SOX17: variants seen among roughly 807,000 people sequenced by gnomAD.
The protein encoded by SOX17 is transcription factor SOX-17.
Under a neutral mutation model 16.0 loss-of-function variants are expected in SOX17, and 4 were observed. That is an observed-to-expected ratio of 0.25 (90% CI 0.12 to 0.57). SOX17 has a LOEUF of 0.57. Among genes scored for constraint, SOX17 ranks in the 20% least tolerant of loss-of-function variants. The pLI, the probability that SOX17 is intolerant of heterozygous loss-of-function variation, is 0.92. For missense variants in SOX17, 633 were observed against 609.7 expected (o/e 1.04, Z -0.40); for synonymous variants, 357 against 284.6 (o/e 1.25, Z -2.56).
intron 1 of SOX17, 97 bp from the exon 2 acceptor site, chr8:54,458,961 A>AGG: frequency 1.8e-6 from 2 of 1,137,430 alleles, no homozygotes; most frequent in Non-Finnish European, 2.4e-6. Context: ...TCAAAGTCTG[A>AGG]GGGGGGAGGT....
At chr8:54,458,553 GGT>G in intron 1 of SOX17, 108 bp downstream of exon 1, 1 of 1,331,440 alleles carries the variant, frequency 7.5e-7, no homozygotes, top group Non-Finnish European at 1.0e-6. Flanking sequence ...CAAAACCAGG[GGT>G]GTGTAGCGGC....
Position 54,459,050 on chromosome 8 carries a change from C to T in SOX17, c.308-8C>T, listed in dbSNP as rs928890493. On this transcript the variant is annotated splice_region_variant and splice_polypyrimidine_tract_variant and intron_variant, in intron 1 of 1. Transcript: ENST00000297316. ...TGCGCCCCTCTCCCCCTTCCTTCCA[C>T]TGTGCAGGCAAGTCGTGGAAGGCGC... 2.5e-6 allele frequency: 4 copies of T among 1,596,750 alleles called. No homozygotes were observed. Among genetic ancestry groups the T allele is most frequent in the Non-Finnish European group, 3.4e-6 (4 of 1,172,554 alleles).
Position 54,459,461 on chromosome 8 carries a change from C to T in SOX17, c.711C>T (p.Phe237=), listed in dbSNP as rs986542059. 47 of 1,522,846 alleles carry T rather than the reference C, an allele frequency of 3.1e-5. No individual in the cohort carries two copies. Among genetic ancestry groups the T allele is most frequent in the African/African-American group, 5.7e-5 (4 of 70,596 alleles). The allele number at this position is 1,522,846 out of a possible 1,614,324, so 94.3% of individuals were successfully genotyped here. Residue 237 remains phenylalanine, a synonymous_variant, in exon 2 of 2, where the codon TTC becomes TTT. Transcript: ENST00000297316. The part of the protein sequence containing the change: ...LDGVDPDPAF[F]AAPMPGDCPA... ...GCGTGGACCCCGACCCGGCTTTCTT[C>T]GCCGCCCCGATGCCCGGGGACTGCC...
At chr8:54,458,501 C>G in intron 1 of SOX17, 56 bp downstream of exon 1, 5 of 1,596,062 alleles carry the variant, frequency 3.1e-6, no homozygotes, top group Non-Finnish European at 4.3e-6. Context: ...ATCGCTAGGC[C>G]GATTTCTTAA....
Position 54,459,770 on chromosome 8 carries a change from G to C in SOX17, c.1020G>C (p.Leu340=), listed in dbSNP as rs1272321292. The part of the protein sequence containing the change: ...PGQPSPPPEA[L]PCRDGTDPSQ... ...AGCCGTCGCCCCCTCCGGAGGCACT[G>C]CCCTGCCGGGACGGCACGGACCCCA... The change falls in exon 2 of 2, where the codon CTG becomes CTC. Residue 340 remains leucine (L), a synonymous_variant. Coordinates refer to ENST00000297316, the MANE Select transcript of SOX17 (RefSeq NM_022454.4). 2 of 1,592,884 alleles carry C rather than the reference G, an allele frequency of 1.3e-6. No individual in the cohort carries two copies. Among genetic ancestry groups the C allele is most frequent in the African/African-American group, 2.7e-5 (2 of 74,562 alleles).
At chr8:54,458,480 C>CG (rs2129277887) in intron 1 of SOX17, 35 bp downstream of exon 1, 1 of 1,611,014 alleles carries the variant, frequency 6.2e-7, no homozygotes, top group Admixed American at 1.7e-5. Context: ...CGGCCGGGCG[C>CG]GCTGGCGCGA....
chr8:54,460,211 C>T lies in SOX17; in HGVS notation c.*216C>T, dbSNP rs1586330943. On this transcript the variant is annotated 3_prime_UTR_variant, in exon 2 of 2. Transcript: ENST00000297316. ...TTAAAATTTGTTCAGAGATTTGTTT[C>T]CCATAGTTGGATTGTCAAAACCCTA... 17 of 611,274 alleles carry T rather than the reference C, an allele frequency of 2.8e-5. No individual in the cohort carries two copies. Among genetic ancestry groups the T allele is most frequent in the East Asian group, 2.2e-4 (8 of 36,240 alleles). 37.9% of individuals were successfully genotyped at this position (611,274 alleles called of 1,614,324 possible). A position where few individuals can be genotyped will look rare whatever the true frequency, so the allele number is the denominator to read the frequency against.
Position 54,458,082 on chromosome 8 carries a change from G to C in SOX17, c.-57G>C, listed in dbSNP as rs1804664425. The C allele has an allele frequency of 1.4e-6, 2 of 1,428,070 alleles. No individual in the cohort carries two copies. Among genetic ancestry groups the C allele is most frequent in the Non-Finnish European group, 1.8e-6 (2 of 1,098,248 alleles). 88.5% of individuals were successfully genotyped at this position (1,428,070 alleles called of 1,614,324 possible). A position where few individuals can be genotyped will look rare whatever the true frequency, so the allele number is the denominator to read the frequency against. On this transcript the variant is annotated 5_prime_UTR_variant, in exon 1 of 2. Transcript: ENST00000297316. ...CACTCCCCACCCCCTCCCCCGGGTC[G>C]GGGGAGGCGGCGCGTCCGGCGGAGG...
chr8:54,458,942 T>G, intron 1 of SOX17, 116 bp from the exon 2 acceptor site: 90 of 867,862 alleles, frequency 1.0e-4, no homozygotes, highest in Middle Eastern at 3.7e-4. Flanking sequence ...TTCACCCCGG[T>G]TGCGCAATTC....
intron 1 of SOX17, 86 bp downstream of exon 1, chr8:54,458,531 G>GTTT: frequency 6.6e-7 from 1 of 1,513,872 alleles, no homozygotes; most frequent in Non-Finnish European, 9.0e-7. Context: ...TGTTCTTTGC[G>GTTT]AGCCTGACGC....
chr8:54,459,985 C>T lies in SOX17; in HGVS notation c.1235C>T (p.Pro412Leu), dbSNP rs1804716559. The change falls in exon 2 of 2, where the codon CCT (proline) becomes CTT (leucine). Residue 412 changes from proline to leucine, a missense_variant. By Grantham distance (98) the Pro-to-Leu change is moderately conservative. This residue lies in a region of SOX17 where 479 missense variants were observed against 397.2 expected (regional missense o/e 1.21). Coordinates refer to ENST00000297316, the MANE Select transcript of SOX17 (RefSeq NM_022454.4). ...ASSAVYYCNY[P>L]DV is the part of the protein sequence containing the mutation. ...TCCGCGGTATATTACTGCAACTATCCTGACGTGTGACAGGTCCCTGATCCG... is the reference window on the plus strand; with the variant it reads ...TCCGCGGTATATTACTGCAACTATCTTGACGTGTGACAGGTCCCTGATCCG... 1.2e-6 allele frequency: 2 copies of T among 1,613,784 alleles called. No individual in the cohort carries two copies. The highest frequency in any genetic ancestry group is 1.7e-6 in the Non-Finnish European group (2 of 1,180,038).
chr8:54,459,792 C>T lies in SOX17; in HGVS notation c.1042C>T (p.Pro348Ser). Residue 348 changes from proline (P) to serine (S), a missense_variant, in exon 2 of 2, where the codon CCC (proline) becomes TCC (serine). Around this residue, in one of 5 missense-constraint regions of SOX17, gnomAD observed 479 missense variants for 397.2 expected, o/e 1.21. Coordinates refer to ENST00000297316, the MANE Select transcript of SOX17 (RefSeq NM_022454.4). ...EALPCRDGTD[P>S]SQPAELLGEV... ...ACTGCCCTGCCGGGACGGCACGGAC[C>T]CCAGTCAGCCCGCCGAGCTCCTCGG... The T allele has an allele frequency of 1.2e-6, 2 of 1,607,140 alleles. No homozygotes were observed. The highest frequency in any genetic ancestry group is 2.2e-5 in the East Asian group (1 of 44,496).
At position 54,459,707 on chromosome 8, in the gene SOX17, C is replaced by T. The variant is rs1445685396; in HGVS notation, c.957C>T (p.His319=). 3 of 1,546,546 alleles carry T rather than the reference C, an allele frequency of 1.9e-6. No homozygotes were observed. Among genetic ancestry groups the T allele is most frequent in the Middle Eastern group, 1.7e-4 (1 of 6,000 alleles). The part of the protein sequence containing the change: ...RGFQMQPQHQ[H]QHQHQHHPPG... ...TCCAGATGCAGCCGCAACACCAGCA[C>T]CAGCACCAGCACCAGCACCACCCCC... The change falls in exon 2 of 2, where the codon CAC becomes CAT. Residue 319 remains histidine, a synonymous_variant. Coordinates refer to ENST00000297316, the MANE Select transcript of SOX17 (RefSeq NM_022454.4).
rs759716837 is a variant in SOX17 at position 54,458,147 on chromosome 8, C to T, written c.9C>T (p.Ser3=). 2.6e-6 allele frequency: 4 copies of T among 1,562,822 alleles called. No individual in the cohort carries two copies. In the South Asian group the frequency reaches 3.5e-5, roughly 14 times the overall value. Reference sequence around the variant, plus strand: ...GGCAGGCCTGGAGCGCCATGAGCAGCCCGGATGCGGGATACGCCAGTGACG... The same window carrying T: ...GGCAGGCCTGGAGCGCCATGAGCAGTCCGGATGCGGGATACGCCAGTGACG... MS[S]PDAGYASDDQ... Residue 3 remains serine (S), a synonymous_variant, in exon 1 of 2, where the codon AGC becomes AGT. Coordinates refer to ENST00000297316, the MANE Select transcript of SOX17 (RefSeq NM_022454.4).
Position 54,460,032 on chromosome 8 carries a change from C to CCTGCAGA in SOX17, c.*37_*38insCTGCAGA. On this transcript the variant is annotated 3_prime_UTR_variant, in exon 2 of 2. Coordinates refer to ENST00000297316, the MANE Select transcript of SOX17 (RefSeq NM_022454.4). ...TCCGCCCCAGCCTGCAGGCCAGAAG[C>CCTGCAGA]AGTGTTACACACTTCCTGGAGGAGC... 2 of 1,601,150 alleles carry CCTGCAGA rather than the reference C, an allele frequency of 1.2e-6. No homozygotes were observed. The highest frequency in any genetic ancestry group is 1.7e-6 in the Non-Finnish European group (2 of 1,169,190).
At chr8:54,459,012 A>G (rs1223337010) in intron 1 of SOX17, 46 bp from the exon 2 acceptor site, 1 of 1,499,412 alleles carries the variant, frequency 6.7e-7, no homozygotes, top group Admixed American at 2.1e-5. Flanking sequence ...GCGGGAGCGC[A>G]GCCGATAAGC....
chr8:54,459,818 G>A lies in SOX17; in HGVS notation c.1068G>A (p.Gly356=). Residue 356 remains glycine (G), a synonymous_variant, in exon 2 of 2, where the codon GGG becomes GGA. Coordinates refer to ENST00000297316, the MANE Select transcript of SOX17 (RefSeq NM_022454.4). ...CCAGTCAGCCCGCCGAGCTCCTCGG[G>A]GAGGTGGACCGCACGGAATTTGAAC... is the stretch of plus-strand genomic sequence containing the variant. ...TDPSQPAELL[G]EVDRTEFEQY... The A allele has an allele frequency of 6.2e-7, 1 of 1,612,834 alleles. No homozygotes were observed. The highest frequency in any genetic ancestry group is 8.5e-7 in the Non-Finnish European group (1 of 1,179,782).
chr8:54,460,152 G>C lies in SOX17; in HGVS notation c.*157G>C. On this transcript the variant is annotated 3_prime_UTR_variant, in exon 2 of 2. Coordinates refer to ENST00000297316, the MANE Select transcript of SOX17 (RefSeq NM_022454.4). Reference sequence around the variant, plus strand: ...TAATTTATGGTAATTTATTTTGTCTGCCACTTGAACAGTTTGGGGGGGTGA... The same window carrying C: ...TAATTTATGGTAATTTATTTTGTCTCCCACTTGAACAGTTTGGGGGGGTGA... 1.3e-6 allele frequency: 1 copy of C among 777,852 alleles called. No homozygotes were observed. Among genetic ancestry groups the C allele is most frequent in the Admixed American group, 2.3e-5 (1 of 43,678 alleles). 48.2% of individuals were successfully genotyped at this position (777,852 alleles called of 1,614,324 possible).
In SOX17 at chr8:54,459,286, T is replaced by G; in HGVS notation, c.536T>G (p.Leu179Arg). ...PEGGRVAMDG[L>R]GLQFPEQGFP... ...GGCGGCCGCGTGGCCATGGACGGCC[T>G]GGGCCTCCAGTTCCCCGAGCAGGGC... The change falls in exon 2 of 2, where the codon CTG becomes CGG. Residue 179 changes from leucine (L) to arginine (R), a missense_variant. By Grantham distance (102) the Leu-to-Arg change is moderately radical. Coordinates refer to ENST00000297316, the MANE Select transcript of SOX17 (RefSeq NM_022454.4). 1 of 1,513,216 alleles carries G rather than the reference T, an allele frequency of 6.6e-7. No homozygotes were observed. The highest frequency in any genetic ancestry group is 8.8e-7 in the Non-Finnish European group (1 of 1,136,336). 93.7% of individuals were successfully genotyped at this position (1,513,216 alleles called of 1,614,324 possible). A position where few individuals can be genotyped will look rare whatever the true frequency, so the allele number is the denominator to read the frequency against.
Sources: allele counts gnomAD v4.1 joint callset, GRCh38; gene constraint gnomAD v4.1.1; regional missense constraint gnomAD v4.1.1; transcripts MANE v1.5; gene names NCBI Gene and HGNC (gene_info 2026-07-23, HGNC 2026-07-21).